The following LEKR1 variants were observed in gnomAD, a reference collection of about 807,000 sequenced individuals.
LEKR1 encodes protein LEKR1.
A neutral mutation model predicts 72.4 loss-of-function variants in LEKR1; 59 were observed. That is an observed-to-expected ratio of 0.82 (90% confidence interval 0.66 to 1.01). LEKR1 has a LOEUF of 1.01. Among genes scored for constraint, LEKR1 ranks in the 50% least tolerant of loss-of-function variants. The pLI is 0.00. For missense variants in LEKR1, 728 were observed against 759.2 expected (o/e 0.96, Z 0.48); for synonymous variants, 257 against 263.2 (o/e 0.98, Z 0.23).
chr3:156,846,001 G>C (rs1020704524), intron 2 of LEKR1, among the ~76,000 whole-genome samples: 1 of 151,968 alleles, frequency 6.6e-6, no homozygotes, highest in East Asian at 1.9e-4. Context: ...TCAGCATTTT[G>C]TAGTTTTCAG....
At chr3:157,018,023 G>T (rs1733515660) in intron 10 of LEKR1, among the ~76,000 whole-genome samples, 1 of 148,462 alleles carries the variant, frequency 6.7e-6, no homozygotes, top group African/African-American at 2.5e-5. Context: ...TCACAGCAAA[G>T]AAATCAGAAT....
chr3:157,004,617 G>A (rs753689231), intron 9 of LEKR1, among the ~76,000 whole-genome samples: 2 of 152,094 alleles, frequency 1.3e-5, no homozygotes, highest in Non-Finnish European at 2.9e-5. Context: ...AAATAATACA[G>A]TGTACTGTAT....
chr3:156,983,837 A>G (rs1237207392), intron 7 of LEKR1, among the ~76,000 whole-genome samples: 1 of 152,152 alleles, frequency 6.6e-6, no homozygotes, highest in Non-Finnish European at 1.5e-5. Flanking sequence ...GGGCAAAAAT[A>G]AACAGCAAAG....
At chr3:157,000,153 ATTC>A (rs1731895326) in intron 9 of LEKR1, among the ~76,000 whole-genome samples, 1 of 151,950 alleles carries the variant, frequency 6.6e-6, no homozygotes, top group Admixed American at 6.6e-5. Flanking sequence ...CCCCCTCAGT[ATTC>A]TTCTCTTCAC....
In LEKR1 at chr3:156,987,124, A is replaced by G. The variant is rs557204295; in HGVS notation, c.828-5529A>G. Among the ~76,000 whole-genome samples the G allele has an allele frequency of 2.6e-5, 4 of 152,170 alleles. No homozygotes were observed. The South Asian group carries it at 8.3e-4, about 32-fold the overall frequency. ...GCAGCAGGGACCTTTCTGAAGGTTT[A>G]CTTGTAACAATTGAAGAGAAAGGAT... On this transcript the variant is annotated intron_variant, in intron 7 of 12. Transcript: ENST00000356539.
chr3:156,857,477 C>T (rs567454084), intron 3 of LEKR1, among the ~76,000 whole-genome samples: 1 of 152,196 alleles, frequency 6.6e-6, no homozygotes, highest in South Asian at 2.1e-4. Flanking sequence ...TATATAGCTA[C>T]AGGTTGAGTA....
At chr3:156,932,096 G>A (rs1006686469) in intron 5 of LEKR1, among the ~76,000 whole-genome samples, 7 of 152,158 alleles carry the variant, frequency 4.6e-5, no homozygotes, top group Non-Finnish European at 8.8e-5. Context: ...AGGATGGATT[G>A]ATGGATGTAT....
chr3:156,939,270 C>T lies in LEKR1; in HGVS notation c.560-3259C>T, dbSNP rs1725992286. Among the ~76,000 whole-genome samples the T allele has an allele frequency of 2.0e-5, 3 of 152,126 alleles. No homozygotes were observed. The South Asian group carries it at 6.2e-4, about 32-fold the overall frequency. On this transcript the variant is annotated intron_variant, in intron 5 of 12. Transcript: ENST00000356539. ...ATCTGTACACAGACACCTACGGACA[C>T]CATGTGAATACACAGGGAAAAGGCA...
intron 3 of LEKR1, among the ~76,000 whole-genome samples, chr3:156,879,861 A>T (rs571921315): frequency 6.6e-6 from 1 of 152,322 alleles, no homozygotes; most frequent in East Asian, 1.9e-4. Context: ...CATGGTGTTG[A>T]GTCTGCGGGT....
intron 10 of LEKR1, among the ~76,000 whole-genome samples, chr3:157,022,300 G>C (rs1011837648): frequency 6.6e-6 from 1 of 152,120 alleles, no homozygotes; most frequent in Non-Finnish European, 1.5e-5. Context: ...CACGAAGAAG[G>C]AATAAAAAAA....
At chr3:156,842,137 A>G (rs1028070411) in intron 2 of LEKR1, among the ~76,000 whole-genome samples, 3 of 152,236 alleles carry the variant, frequency 2.0e-5, no homozygotes, top group African/African-American at 7.2e-5. Flanking sequence ...CTTCCACAAA[A>G]TCAGTCTCTG....
chr3:157,034,362 G>A (rs1734823208), intron 12 of LEKR1, among the ~76,000 whole-genome samples: 2 of 152,106 alleles, frequency 1.3e-5, no homozygotes, highest in South Asian at 4.2e-4. Context: ...CATGGGTAGA[G>A]GATAAAATAT....
chr3:157,015,111 T>A (rs916131452), intron 10 of LEKR1, among the ~76,000 whole-genome samples: 1 of 152,146 alleles, frequency 6.6e-6, no homozygotes, highest in African/African-American at 2.4e-5. Context: ...TTGCCATAAC[T>A]TAGTGCCCTG....
At chr3:156,831,490 T>C (rs1712396295) in intron 2 of LEKR1, among the ~76,000 whole-genome samples, 1 of 152,164 alleles carries the variant, frequency 6.6e-6, no homozygotes, top group African/African-American at 2.4e-5. Context: ...AAATTGTGTA[T>C]TAGTTTGTTC....
chr3:156,863,037 T>C (rs1051830936), intron 3 of LEKR1, among the ~76,000 whole-genome samples: 6 of 152,212 alleles, frequency 3.9e-5, no homozygotes, highest in African/African-American at 7.2e-5. Context: ...TAAGTTTGGC[T>C]TTCCAGCAAA....
intron 3 of LEKR1, among the ~76,000 whole-genome samples, chr3:156,879,881 T>A (rs932087589): frequency 6.6e-6 from 1 of 152,134 alleles, no homozygotes; most frequent in African/African-American, 2.4e-5. Flanking sequence ...TGCACAGAAG[T>A]CAAGAATTGA....
intron 12 of LEKR1, among the ~76,000 whole-genome samples, chr3:157,030,165 A>G (rs1734499264): frequency 6.6e-6 from 1 of 152,140 alleles, no homozygotes; most frequent in Admixed American, 6.6e-5. Context: ...GAGGTGCCAC[A>G]TTATTTTAAA....
chr3:156,891,483 A>G (rs576350872), intron 3 of LEKR1, among the ~76,000 whole-genome samples: 6 of 152,274 alleles, frequency 3.9e-5, no homozygotes, highest in South Asian at 2.1e-4. Flanking sequence ...TAAGGGAGAA[A>G]TATAAGGTTA....
chr3:156,951,663 G>C (rs900862530), intron 6 of LEKR1, among the ~76,000 whole-genome samples: 2 of 151,390 alleles, frequency 1.3e-5, no homozygotes, highest in African/African-American at 4.8e-5. Context: ...ATTTGTAGTA[G>C]TTTCTGATGG....
Sources: allele counts gnomAD v4.1 joint callset (sites outside exome capture counted in the v4.1 genomes callset), GRCh38; gene constraint gnomAD v4.1.1; transcripts MANE v1.5; gene names NCBI Gene and HGNC (gene_info 2026-07-23, HGNC 2026-07-21).